The following NBEA variants were observed in gnomAD, a reference collection of about 807,000 sequenced individuals.
NBEA encodes the protein neurobeachin, also known as lysosomal-trafficking regulator 2.
A neutral mutation model predicts 343.4 loss-of-function variants in NBEA; 44 were observed. That is an observed-to-expected ratio of 0.13 (90% CI 0.10 to 0.16). The LOEUF (loss-of-function observed/expected upper bound fraction) is 0.16. NBEA is among the 10% of genes least tolerant of loss of function. NBEA has a pLI of 1.00. For synonymous variants in NBEA, 1,175 were observed against 1,238.7 expected, an observed-to-expected ratio of 0.95 and a Z score of 1.08; for missense variants, 2,555 against 3,631.3, an observed-to-expected ratio of 0.70 and a Z score of 7.62.
At position 34,942,797 on chromosome 13, in the gene NBEA, C is replaced by T. The variant is rs1358732220; in HGVS notation, c.-24C>T. The T allele has an allele frequency of 1.5e-6, 2 of 1,334,494 alleles. No homozygotes were observed. The highest frequency in any genetic ancestry group is 1.9e-6 in the Non-Finnish European group (2 of 1,044,034). The allele number at this position is 1,334,494 out of a possible 1,614,324, so 82.7% of individuals were successfully genotyped here. On this transcript the variant is annotated 5_prime_UTR_variant, in exon 1 of 59. Transcript: ENST00000379939. ...CGGCGGCGGCAGCGCCGCTGCTCTT[C>T]CCTTCTCCTCAGGAGGGGGGCCAAT...
intron 41 of NBEA, among the ~76,000 whole-genome samples, chr13:35,499,510 T>C (rs555918273): frequency 1.0e-3 from 158 of 152,188 alleles, no homozygotes; most frequent in African/African-American, 3.7e-3. Context: ...AAAGCTGCTT[T>C]TCTGTCTCAT....
At chr13:35,036,132 T>C (rs1485642076) in intron 1 of NBEA, among the ~76,000 whole-genome samples, 1 of 152,024 alleles carries the variant, frequency 6.6e-6, no homozygotes, top group East Asian at 1.9e-4. Context: ...GGTGATTTAG[T>C]TTCTTGATTT....
chr13:35,301,534 C>A (rs2036546682), intron 35 of NBEA, among the ~76,000 whole-genome samples: 1 of 152,116 alleles, frequency 6.6e-6, no homozygotes, highest in Admixed American at 6.5e-5. Flanking sequence ...TTTTTTATGG[C>A]TGCATAGTAT....
intron 34 of NBEA, among the ~76,000 whole-genome samples, chr13:35,245,106 A>G (rs905288532): frequency 2.0e-5 from 3 of 152,058 alleles, no homozygotes; most frequent in African/African-American, 7.2e-5. Context: ...CTGATATAAG[A>G]ATACCTACTC....
chr13:35,666,069 G>T (rs1593519274), intron 56 of NBEA, among the ~76,000 whole-genome samples: 1 of 152,166 alleles, frequency 6.6e-6, no homozygotes, highest in Non-Finnish European at 1.5e-5. Context: ...AAGGAGCCCT[G>T]GGTGCTGCTG....
chr13:35,658,790 T>C (rs1311348990), intron 55 of NBEA, among the ~76,000 whole-genome samples: 1 of 152,188 alleles, frequency 6.6e-6, no homozygotes, highest in East Asian at 1.9e-4. Context: ...TAGTATTGAT[T>C]GACTGACTGA....
At chr13:35,394,171 A>G (rs186606152) in intron 38 of NBEA, among the ~76,000 whole-genome samples, 104 of 152,282 alleles carry the variant, frequency 6.8e-4, no homozygotes, top group African/African-American at 2.5e-3. Flanking sequence ...CCAATCATTG[A>G]TGGATTAGCC....
intron 36 of NBEA, among the ~76,000 whole-genome samples, chr13:35,334,040 C>T (rs2039092724): frequency 6.6e-6 from 1 of 151,398 alleles, no homozygotes; most frequent in East Asian, 1.9e-4. Flanking sequence ...GATCGATTTC[C>T]TTTCATTGGA....
chr13:35,413,641 T>G (rs569720784), intron 38 of NBEA, among the ~76,000 whole-genome samples: 1 of 152,188 alleles, frequency 6.6e-6, no homozygotes. Context: ...TAACACCAAG[T>G]TCCAGCTAAT....
At chr13:35,075,877 C>T (rs1467643041) in intron 10 of NBEA, among the ~76,000 whole-genome samples, 1 of 151,960 alleles carries the variant, frequency 6.6e-6, no homozygotes, top group Non-Finnish European at 1.5e-5. Flanking sequence ...TTTCCTCATA[C>T]ACTTAGAAGT....
intron 34 of NBEA, among the ~76,000 whole-genome samples, chr13:35,243,379 A>G (rs187605041): frequency 2.0e-5 from 3 of 152,022 alleles, no homozygotes; most frequent in Admixed American, 2.0e-4. Flanking sequence ...AATGACATAC[A>G]GAAAACAACA....
chr13:35,517,839 T>C (rs2077544557), intron 41 of NBEA, among the ~76,000 whole-genome samples: 1 of 152,238 alleles, frequency 6.6e-6, no homozygotes, highest in South Asian at 2.1e-4. Context: ...TTGTATCTTA[T>C]ACACATAGTA....
chr13:35,244,312 A>C (rs535600178), intron 34 of NBEA, among the ~76,000 whole-genome samples: 1 of 151,872 alleles, frequency 6.6e-6, no homozygotes, highest in Non-Finnish European at 1.5e-5. Context: ...GATGAGGATC[A>C]AGTTTTATTC....
At chr13:35,532,848 A>G (rs1365816864) in intron 41 of NBEA, among the ~76,000 whole-genome samples, 1 of 152,102 alleles carries the variant, frequency 6.6e-6, no homozygotes, top group African/African-American at 2.4e-5. Context: ...AAAAGATCTC[A>G]GAAGAATAGA....
chr13:35,285,218 T>C (rs1427211132), intron 34 of NBEA, among the ~76,000 whole-genome samples: 2 of 152,066 alleles, frequency 1.3e-5, no homozygotes, highest in African/African-American at 2.4e-5. Context: ...TTGCTTGAGC[T>C]CAGGAGTTCA....
chr13:35,021,975 A>G (rs2061858677), intron 1 of NBEA, among the ~76,000 whole-genome samples: 1 of 152,086 alleles, frequency 6.6e-6, no homozygotes, highest in Non-Finnish European at 1.5e-5. Flanking sequence ...TGTCTGATGA[A>G]GTTACTTACA....
At chr13:35,058,450 T>C (rs2152567351) in intron 7 of NBEA, among the ~76,000 whole-genome samples, 1 of 152,196 alleles carries the variant, frequency 6.6e-6, no homozygotes, top group Middle Eastern at 3.4e-3. Flanking sequence ...TGCCTTTAAC[T>C]ATAGTATTTG....
rs1057207737 is a variant in NBEA at position 35,163,082 on chromosome 13, C to T, written c.4079+1115C>T. Among the ~76,000 whole-genome samples, 4 of 152,202 alleles carry T rather than the reference C, an allele frequency of 2.6e-5. No individual in the cohort carries two copies. The East Asian group carries it at 7.7e-4, about 29-fold the overall frequency. On this transcript the variant is annotated intron_variant, in intron 23 of 58. Transcript: ENST00000379939. ...TTATGTAATTTGATAATTATAATAT[C>T]AGTAGCCTCCAAGTGAGTGATACTC...
At chr13:35,235,789 C>T (rs1302767655) in intron 34 of NBEA, among the ~76,000 whole-genome samples, 1 of 152,062 alleles carries the variant, frequency 6.6e-6, no homozygotes, top group Non-Finnish European at 1.5e-5. Flanking sequence ...TTTTTTTTAG[C>T]TTCTCTGTTT....
Sources: gnomAD v4.1 joint callset for allele counts (sites outside exome capture counted in the v4.1 genomes callset) on GRCh38, gnomAD v4.1.1 for gene constraint, MANE v1.5 for transcripts, NCBI Gene and HGNC (gene_info 2026-07-23, HGNC 2026-07-21) for gene names.